Variants in CHODL observed in about 807,000 individuals in gnomAD.
CHODL encodes the protein transmembrane protein MT75.
CHODL carries 29 observed loss-of-function variants against 34.5 expected under a neutral mutation model. The observed-to-expected ratio is 0.84, with a 90% CI of 0.63 to 1.15. CHODL has a LOEUF of 1.15. Among genes scored for constraint, CHODL ranks in the 50% most tolerant of loss-of-function variants. The pLI is 0.00. For synonymous variants in CHODL, 125 were observed against 116.1 expected (o/e 1.08, Z -0.49); for missense variants, 332 against 332.5 (o/e 1.00, Z 0.01).
chr21:18,251,981 T>A (rs2074262423), intron 1 of CHODL, among the ~76,000 whole-genome samples: 1 of 151,914 alleles, frequency 6.6e-6, no homozygotes, highest in African/African-American at 2.4e-5. Context: ...ATTTAAATAC[T>A]TTTTAGATTT....
At chr21:18,060,709 C>CAAAAAAAAAAAA (rs71318121) in intron 2 of CHODL, among the ~76,000 whole-genome samples, 11 of 121,310 alleles carry the variant, frequency 9.1e-5, no homozygotes, top group African/African-American at 1.3e-4. Context: ...CTCCTCGGAC[C>CAAAAAAAAAAAA]AAAAAAAAAA....
intron 5 of CHODL, among the ~76,000 whole-genome samples, chr21:18,265,333 T>C (rs1024547290): frequency 1.3e-5 from 2 of 150,362 alleles, no homozygotes; most frequent in Non-Finnish European, 2.9e-5. Context: ...GATGGAATAC[T>C]ACTCATCCAT....
At chr21:18,050,621 A>G (rs532499243) in intron 2 of CHODL, among the ~76,000 whole-genome samples, 12 of 152,088 alleles carry the variant, frequency 7.9e-5, no homozygotes, top group South Asian at 2.1e-4. Flanking sequence ...AATAGAACCA[A>G]CGATGACTCC....
intron 1 of CHODL, among the ~76,000 whole-genome samples, chr21:18,013,330 T>A (rs2064036433): frequency 0.022 from 1 of 46 alleles, no homozygotes. Context: ...TATCTCTAGT[T>A]GTCTGCCCGT....
At chr21:18,221,785 T>C (rs147803839) in intron 2 of CHODL, among the ~76,000 whole-genome samples, 1 of 152,308 alleles carries the variant, frequency 6.6e-6, no homozygotes, top group East Asian at 1.9e-4. Context: ...GCATTAGTGG[T>C]GGCAGGCCCC....
chr21:18,056,299 GATTT>G (rs890964473), intron 2 of CHODL, among the ~76,000 whole-genome samples: 30 of 151,518 alleles, frequency 2.0e-4, no homozygotes, highest in African/African-American at 6.0e-4. Flanking sequence ...TAGGTCACTT[GATTT>G]ATTTATCTTT....
At chr21:17,998,971 T>G (rs2063879168) in intron 1 of CHODL, among the ~76,000 whole-genome samples, 1 of 152,070 alleles carries the variant, frequency 6.6e-6, no homozygotes, top group Non-Finnish European at 1.5e-5. Context: ...AAAAAATGGG[T>G]TTTTCATTCC....
chr21:18,181,481 C>T (rs900852253), intron 2 of CHODL, among the ~76,000 whole-genome samples: 1 of 152,184 alleles, frequency 6.6e-6, no homozygotes, highest in African/African-American at 2.4e-5. Flanking sequence ...CGGCTCACTG[C>T]AAGCTCCGCC....
intron 1 of CHODL, among the ~76,000 whole-genome samples, chr21:18,013,530 G>A (rs922969615): frequency 6.6e-6 from 1 of 151,326 alleles, no homozygotes; most frequent in African/African-American, 2.4e-5. Context: ...AAGACAATAA[G>A]TTTTAGAGGC....
At chr21:18,079,956 T>C (rs1280487337) in intron 2 of CHODL, among the ~76,000 whole-genome samples, 1 of 152,084 alleles carries the variant, frequency 6.6e-6, no homozygotes, top group Non-Finnish European at 1.5e-5. Context: ...TTACCAACAG[T>C]GTATAAGCAT....
intron 2 of CHODL, among the ~76,000 whole-genome samples, chr21:18,054,482 T>C (rs533421882): frequency 2.6e-5 from 4 of 152,056 alleles, no homozygotes; most frequent in Non-Finnish European, 5.9e-5. Context: ...TGGAGGACAT[T>C]TGCTAAGTAA....
At chr21:18,136,165 C>T (rs997302512) in intron 2 of CHODL, among the ~76,000 whole-genome samples, 1 of 150,830 alleles carries the variant, frequency 6.6e-6, no homozygotes, top group Non-Finnish European at 1.5e-5. Context: ...GACATCTCTG[C>T]CTTAAAGCAT....
chr21:18,213,457 C>CA (rs1344732970), intron 2 of CHODL, among the ~76,000 whole-genome samples: 3 of 151,824 alleles, frequency 2.0e-5, no homozygotes, highest in African/African-American at 7.3e-5. Flanking sequence ...TGTTGGGACA[C>CA]AAAAAACACT....
Position 18,214,474 on chromosome 21 carries a change from A to G in CHODL, c.-44-42035A>G, listed in dbSNP as rs1042333811. 5.3e-5 allele frequency among the ~76,000 whole-genome samples: 8 copies of G among 152,224 alleles called. No individual in the cohort carries two copies. In the East Asian group the frequency reaches 9.6e-4, roughly 18 times the overall value. On this transcript the variant is annotated intron_variant, in intron 2 of 6. Coordinates refer to the CHODL transcript ENST00000400127. ...ATACAGTACACGCCAATAAATGTCT[A>G]TTCAATCAGATTATAACCTATCTAC...
chr21:18,103,040 T>A (rs920380319), intron 2 of CHODL, among the ~76,000 whole-genome samples: 12 of 152,186 alleles, frequency 7.9e-5, no homozygotes, highest in African/African-American at 2.7e-4. Context: ...AAGTAGAGAA[T>A]AGATGAAAAA....
intron 1 of CHODL, among the ~76,000 whole-genome samples, chr21:18,023,025 A>G (rs894660693): frequency 3.9e-5 from 6 of 152,218 alleles, no homozygotes; most frequent in African/African-American, 1.4e-4. Flanking sequence ...ATGCCTAATG[A>G]AAGATTTCAT....
intron 5 of CHODL, among the ~76,000 whole-genome samples, chr21:18,263,211 C>T (rs1057441480): frequency 1.3e-5 from 2 of 151,968 alleles, no homozygotes; most frequent in African/African-American, 4.8e-5. Context: ...TGTAAACTTC[C>T]AACATATGCA....
intron 2 of CHODL, among the ~76,000 whole-genome samples, chr21:18,199,746 G>A (rs772663737): frequency 6.6e-5 from 10 of 151,990 alleles, no homozygotes; most frequent in African/African-American, 1.2e-4. Flanking sequence ...TTCTTTATCC[G>A]TTTAAGTTTC....
In CHODL at chr21:18,248,887, T is replaced by C. The variant is rs1295154419; in HGVS notation, c.79+3585T>C. 3.3e-5 allele frequency among the ~76,000 whole-genome samples: 4 copies of C among 119,520 alleles called. No individual in the cohort carries two copies. The East Asian group carries it at 8.9e-4, about 27-fold the overall frequency. 78.4% of individuals were successfully genotyped at this position (119,520 alleles called of 152,430 possible). Reference sequence around the variant, plus strand: ...TATGTGTATATATATGTATTGTACCTATAATATAATACATATATATGTATA... The same window carrying C: ...TATGTGTATATATATGTATTGTACCCATAATATAATACATATATATGTATA... On this transcript the variant is annotated intron_variant, in intron 1 of 5. Transcript: ENST00000299295.
Sources: gnomAD v4.1 joint callset for allele counts (sites outside exome capture counted in the v4.1 genomes callset) on GRCh38, gnomAD v4.1.1 for gene constraint, MANE v1.5 for transcripts, NCBI Gene and HGNC (gene_info 2026-07-23, HGNC 2026-07-21) for gene names.